SATL1: variants seen among roughly 807,000 people sequenced by gnomAD.
SATL1 encodes spermidine/spermine N1-acetyl transferase like 1, also known as spermidine/spermine N(1)-acetyltransferase-like protein 1.
Under a neutral mutation model 51.8 loss-of-function variants are expected in SATL1, and 47 were observed. The observed-to-expected ratio is 0.91, with a 90% CI of 0.72 to 1.16. The LOEUF (loss-of-function observed/expected upper bound fraction) is 1.16. Ranked by LOEUF, SATL1 falls within the 50% of genes most tolerant of loss-of-function variation. SATL1 has a pLI of 0.00. For synonymous variants in SATL1, 176 were observed against 182.4 expected (o/e 0.97, Z 0.28); for missense variants, 520 against 526.4 (o/e 0.99, Z 0.12).
chrX:85,180,606 A>G (rs1162657789), intron 2 of SATL1, among the ~76,000 whole-genome samples: 2 of 111,880 alleles, frequency 1.8e-5, no homozygotes, highest in African/African-American at 6.5e-5. Context: ...ACTATAATTT[A>G]TCAAAGTATA....
At chrX:85,203,636 A>G (rs1927731772) in intron 2 of SATL1, among the ~76,000 whole-genome samples, 1 of 112,383 alleles carries the variant, frequency 8.9e-6, no homozygotes, top group African/African-American at 3.2e-5. Context: ...TGCTTAAAGC[A>G]GCAGTCTGGC....
chrX:85,193,947 C>A (rs1031588850), intron 2 of SATL1, among the ~76,000 whole-genome samples: 4 of 111,808 alleles, frequency 3.6e-5, no homozygotes, highest in African/African-American at 1.3e-4. Flanking sequence ...GACTCTATGT[C>A]TTTGCTATTG....
intron 3 of SATL1, among the ~76,000 whole-genome samples, chrX:85,105,048 A>G (rs1925004873): frequency 9.0e-6 from 1 of 111,669 alleles, no homozygotes; most frequent in Non-Finnish European, 1.9e-5. Flanking sequence ...AATATCTGGT[A>G]TAGATCATCT....
chrX:85,159,865 G>A lies in SATL1; in HGVS notation c.-312-50585C>T, dbSNP rs6623238. On this transcript the variant is annotated intron_variant, in intron 2 of 7. Coordinates refer to ENST00000644105, the MANE Select transcript of SATL1 (RefSeq NM_001367857.2). Reference sequence around the variant, plus strand: ...ATGCTGCCACTGCTGCTGCTGCTGGGACATGTGAACAAGGATGGATCCTGC... The same window carrying A: ...ATGCTGCCACTGCTGCTGCTGCTGGAACATGTGAACAAGGATGGATCCTGC... Among the ~76,000 whole-genome samples, 2,575 of 110,952 alleles carry A rather than the reference G, an allele frequency of 0.023. 163 individuals carry two copies. The East Asian group carries it at 0.33, about 14-fold the overall frequency.
chrX:85,147,211 C>T (rs1215319846), intron 2 of SATL1, among the ~76,000 whole-genome samples: 1 of 114,591 alleles, frequency 8.7e-6, no homozygotes, highest in African/African-American at 3.2e-5. Flanking sequence ...CGGAGTCTTG[C>T]TGATTGCTAG....
At chrX:85,096,042 GTCAT>G (rs1924711384) in intron 4 of SATL1, among the ~76,000 whole-genome samples, 1 of 110,388 alleles carries the variant, frequency 9.1e-6, no homozygotes, top group Non-Finnish European at 1.9e-5. Context: ...AGAAATGATG[GTCAT>G]TCAAAGGAAT....
intron 2 of SATL1, among the ~76,000 whole-genome samples, chrX:85,109,511 T>C (rs1399392175): frequency 1.8e-5 from 2 of 111,089 alleles, no homozygotes; most frequent in Non-Finnish European, 3.8e-5. Flanking sequence ...ATAATGAGTC[T>C]CAGAGCTTAT....
chrX:85,142,563 T>C (rs1316718224), intron 2 of SATL1: 1 of 110,571 alleles, frequency 9.0e-6, no homozygotes, highest in Non-Finnish European at 1.9e-5. Flanking sequence ...AAAGGAAGAA[T>C]GGTGAATAAA....
At chrX:85,170,055 T>G (rs1299825917) in intron 2 of SATL1, among the ~76,000 whole-genome samples, 4 of 111,072 alleles carry the variant, frequency 3.6e-5, no homozygotes, top group Non-Finnish European at 7.6e-5. Flanking sequence ...TGTTCTCACT[T>G]ATGAGTGGGA....
chrX:85,173,060 T>C (rs1030370835), intron 2 of SATL1, among the ~76,000 whole-genome samples: 1 of 111,443 alleles, frequency 9.0e-6, no homozygotes, highest in East Asian at 2.8e-4. Flanking sequence ...ATCCACGCCA[T>C]GAGAAAAAGC....
At chrX:85,150,724 A>T (rs1926405134) in intron 2 of SATL1, among the ~76,000 whole-genome samples, 3 of 111,294 alleles carry the variant, frequency 2.7e-5, no homozygotes, top group Admixed American at 9.6e-5. Context: ...CCACATGATT[A>T]TCTCAATAGA....
At chrX:85,120,516 A>T (rs775973339) in intron 2 of SATL1, among the ~76,000 whole-genome samples, 21 of 111,997 alleles carry the variant, frequency 1.9e-4, no homozygotes, top group Admixed American at 5.7e-4. Flanking sequence ...GAAACATCCA[A>T]CATAGCAGGA....
intron 2 of SATL1, among the ~76,000 whole-genome samples, chrX:85,168,506 A>C (rs761219654): frequency 4.5e-5 from 5 of 111,660 alleles, no homozygotes; most frequent in Non-Finnish European, 9.4e-5. Flanking sequence ...GAGCCAAATC[A>C]GGAATGAACT....
Position 85,149,428 on chromosome X carries a change from T to C in SATL1, c.-312-40148A>G, listed in dbSNP as rs780140218. Among the ~76,000 whole-genome samples the C allele has an allele frequency of 1.4e-3, 151 of 111,304 alleles. 1 individual carries two copies. The highest frequency in any genetic ancestry group is 2.5e-3 in the Non-Finnish European group (134 of 53,097). On this transcript the variant is annotated intron_variant, in intron 2 of 7. Transcript: ENST00000644105. ...CAATGAGACAGAAAGTTAACAAGGA[T>C]ATCCAGGAATTGAACTCAGCTCTGC...
Position 85,225,303 on chromosome X carries a change from TG to T in SATL1, c.-434-978del, listed in dbSNP as rs765693111. The stretch of plus-strand genomic sequence containing the variant: ...GGAAATTGGAATAACATGGGTGAAT[TG>T]TGTCAATGTCAATCTTACTGTAATA... On this transcript the variant is annotated intron_variant, in intron 1 of 7. Transcript: ENST00000644105. Among the ~76,000 whole-genome samples the T allele has an allele frequency of 2.7e-5, 3 of 112,010 alleles. No individual in the cohort carries two copies. The East Asian group carries it at 8.4e-4, about 31-fold the overall frequency.
intron 2 of SATL1, among the ~76,000 whole-genome samples, chrX:85,187,314 A>G (rs891814808): frequency 9.0e-6 from 1 of 111,306 alleles, no homozygotes; most frequent in African/African-American, 3.3e-5. Context: ...CCCTTTATTT[A>G]TTTTTTTCTC....
intron 2 of SATL1, among the ~76,000 whole-genome samples, chrX:85,176,743 G>C (rs1927089888): frequency 9.0e-6 from 1 of 111,219 alleles, no homozygotes; most frequent in Admixed American, 9.7e-5. Context: ...CAGAGGTTGG[G>C]AACTGAGTGG....
At chrX:85,233,242 A>T (rs1249514005) in intron 1 of SATL1, among the ~76,000 whole-genome samples, 1 of 112,278 alleles carries the variant, frequency 8.9e-6, no homozygotes, top group Non-Finnish European at 1.9e-5. Context: ...TCTCCTAATG[A>T]AGATATGGCT....
At chrX:85,203,035 G>A (rs1249074791) in intron 2 of SATL1, among the ~76,000 whole-genome samples, 3 of 111,517 alleles carry the variant, frequency 2.7e-5, no homozygotes, top group Admixed American at 1.9e-4. Context: ...ACGGGAATGG[G>A]CACCCACGTA....
Sources: gnomAD v4.1 joint callset for allele counts (sites outside exome capture counted in the v4.1 genomes callset) on GRCh38, gnomAD v4.1.1 for gene constraint, MANE v1.5 for transcripts, NCBI Gene and HGNC (gene_info 2026-07-23, HGNC 2026-07-21) for gene names.